The following TRPM3 variants were observed in gnomAD, a reference collection of about 807,000 sequenced individuals.
TRPM3 encodes transient receptor potential cation channel subfamily M member 3.
A neutral mutation model predicts 181.2 loss-of-function variants in TRPM3; 77 were observed. The ratio of observed to expected loss-of-function variants is 0.42; its 90% CI spans 0.35 to 0.51. The LOEUF is 0.51. Among genes scored for constraint, TRPM3 ranks in the 20% least tolerant of loss-of-function variants. The pLI is 0.01. For synonymous variants in TRPM3, 745 were observed against 796.4 expected (o/e 0.94, Z 1.09); for missense variants, 1,759 against 2,196.7 (o/e 0.80, Z 3.98).
chr9:71,444,703 T>C (rs1243551965), intron 1 of TRPM3, among the ~76,000 whole-genome samples: 2 of 152,230 alleles, frequency 1.3e-5, no homozygotes, highest in Non-Finnish European at 2.9e-5. Context: ...TCCTCCTGTT[T>C]GCATAGATAA....
intron 6 of TRPM3, among the ~76,000 whole-genome samples, chr9:70,816,747 G>T (rs949734856): frequency 6.6e-6 from 1 of 152,220 alleles, no homozygotes; most frequent in Non-Finnish European, 1.5e-5. Context: ...ATTAGAGAAT[G>T]CACATGCATT....
At chr9:70,637,537 TA>T (rs2057407394) in intron 11 of TRPM3, among the ~76,000 whole-genome samples, 1 of 152,072 alleles carries the variant, frequency 6.6e-6, no homozygotes. Flanking sequence ...TTTATTTATT[TA>T]TTTTTTTTAA....
intron 1 of TRPM3, among the ~76,000 whole-genome samples, chr9:71,404,408 T>C (rs939732096): frequency 6.6e-6 from 1 of 152,216 alleles, no homozygotes; most frequent in African/African-American, 2.4e-5. Context: ...TTTTTAGGAT[T>C]TGAAATTATA....
chr9:70,831,789 A>G (rs1359090634), intron 5 of TRPM3, among the ~76,000 whole-genome samples: 1 of 151,682 alleles, frequency 6.6e-6, no homozygotes, highest in East Asian at 1.9e-4. Context: ...ATAGCACAAT[A>G]GGATGACTAT....
chr9:71,334,991 A>G (rs1335488374), intron 1 of TRPM3, among the ~76,000 whole-genome samples: 1 of 152,164 alleles, frequency 6.6e-6, no homozygotes, highest in East Asian at 1.9e-4. Context: ...ATAATAAATG[A>G]TGGAATTTTG....
chr9:71,292,642 AT>A (rs1255803977), intron 1 of TRPM3, among the ~76,000 whole-genome samples: 1 of 151,966 alleles, frequency 6.6e-6, no homozygotes, highest in African/African-American at 2.4e-5. Flanking sequence ...TTTTAAAAAA[AT>A]AAGTTAGCTG....
intron 1 of TRPM3, among the ~76,000 whole-genome samples, chr9:71,157,466 G>A (rs1428238971): frequency 6.6e-6 from 1 of 152,066 alleles, no homozygotes; most frequent in Non-Finnish European, 1.5e-5. Flanking sequence ...CATACAGGTA[G>A]TATCATTTGT....
chr9:70,849,671 G>A (rs1473987547), intron 3 of TRPM3, among the ~76,000 whole-genome samples: 5 of 152,124 alleles, frequency 3.3e-5, no homozygotes, highest in African/African-American at 4.8e-5. Context: ...TTAGAGTTAT[G>A]GCATTCTAAA....
chr9:71,315,230 C>T (rs987284966), intron 1 of TRPM3, among the ~76,000 whole-genome samples: 17 of 152,214 alleles, frequency 1.1e-4, no homozygotes, highest in Admixed American at 8.5e-4. Context: ...CCTAGGTTGT[C>T]CAGCCCACTC....
At chr9:70,961,304 C>A (rs1438114769) in intron 1 of TRPM3, among the ~76,000 whole-genome samples, 1 of 150,972 alleles carries the variant, frequency 6.6e-6, no homozygotes, top group Non-Finnish European at 1.5e-5. Flanking sequence ...AGCTCTGCAA[C>A]ACCTTGATTT....
chr9:70,925,031 A>C (rs935576860), intron 1 of TRPM3, among the ~76,000 whole-genome samples: 3 of 152,190 alleles, frequency 2.0e-5, no homozygotes, highest in Non-Finnish European at 4.4e-5. Flanking sequence ...CGTGAATTGC[A>C]TGAACATGGA....
chr9:71,229,966 A>G (rs1057071938), intron 1 of TRPM3, among the ~76,000 whole-genome samples: 2 of 152,160 alleles, frequency 1.3e-5, no homozygotes, highest in Non-Finnish European at 2.9e-5. Context: ...TAAAAGAGAT[A>G]GCTGCACTCC....
chr9:70,798,104 G>A (rs1235051950), intron 6 of TRPM3, among the ~76,000 whole-genome samples: 1 of 152,130 alleles, frequency 6.6e-6, no homozygotes, highest in Admixed American at 6.6e-5. Context: ...ACCCAGGTTG[G>A]AGTGCAGTGG....
At chr9:70,803,615 A>AT (rs911574865) in intron 6 of TRPM3, among the ~76,000 whole-genome samples, 35 of 151,214 alleles carry the variant, frequency 2.3e-4, no homozygotes, top group Non-Finnish European at 3.2e-4. Flanking sequence ...CACCCGGCCA[A>AT]TTTTTTTTGT....
At chr9:70,639,309 G>T in intron 10 of TRPM3, 115 bp from the exon 11 acceptor site, 1 of 1,156,182 alleles carries the variant, frequency 8.6e-7, no homozygotes, top group Non-Finnish European at 1.2e-6. Flanking sequence ...TAAACCTTCA[G>T]CACATCTAAG....
At chr9:70,562,331 A>G (rs992309617) in intron 22 of TRPM3, among the ~76,000 whole-genome samples, 4 of 152,186 alleles carry the variant, frequency 2.6e-5, no homozygotes, top group Non-Finnish European at 5.9e-5. Flanking sequence ...CTATCCCAGG[A>G]GCCAACTGTA....
intron 19 of TRPM3, among the ~76,000 whole-genome samples, chr9:70,606,465 A>G (rs1157555183): frequency 6.6e-6 from 1 of 152,182 alleles, no homozygotes; most frequent in Non-Finnish European, 1.5e-5. Context: ...AAGCTATAAT[A>G]TAATATTTTG....
At chr9:70,562,556 A>G (rs184915403) in intron 22 of TRPM3, among the ~76,000 whole-genome samples, 210 of 147,542 alleles carry the variant, frequency 1.4e-3, no homozygotes, top group African/African-American at 5.2e-3. Flanking sequence ...TCAATGTCTC[A>G]TTTTTTAATC....
chr9:70,650,738 C>A (rs1386077192), intron 9 of TRPM3, among the ~76,000 whole-genome samples: 1 of 152,098 alleles, frequency 6.6e-6, no homozygotes, highest in Admixed American at 6.6e-5. Flanking sequence ...CTGTGTCCTG[C>A]ACTGGGTTTT....
Sources: gnomAD v4.1 joint callset for allele counts (sites outside exome capture counted in the v4.1 genomes callset) on GRCh38, gnomAD v4.1.1 for gene constraint, MANE v1.5 for transcripts, NCBI Gene and HGNC (gene_info 2026-07-23, HGNC 2026-07-21) for gene names.